The following HPCAL1 variants were observed in gnomAD, a reference collection of about 807,000 sequenced individuals.
HPCAL1 encodes hippocalcin-like protein 1.
In HPCAL1, 8 loss-of-function variants were observed where a neutral mutation model predicts 17.1. The observed-to-expected ratio is 0.47, with a 90% CI of 0.27 to 0.84. HPCAL1 has a LOEUF of 0.84. Ranked by LOEUF, HPCAL1 falls within the 40% of genes least tolerant of loss-of-function variation. The probability of loss-of-function intolerance (pLI) is 0.13; values close to 1 mark genes in which losing one functional copy is unlikely to be tolerated. For synonymous variants in HPCAL1, 112 were observed against 111.4 expected (o/e 1.01, Z -0.03); for missense variants, 165 against 271.1 (o/e 0.61, Z 2.75).
At chr2:10,402,415 C>A (rs1000733494) in intron 2 of HPCAL1, among the ~76,000 whole-genome samples, 1 of 152,104 alleles carries the variant, frequency 6.6e-6, no homozygotes, top group Non-Finnish European at 1.5e-5. Context: ...AATCTGTGGC[C>A]TCTGGTGCTG....
chr2:10,392,993 G>A (rs1668803961), intron 1 of HPCAL1, among the ~76,000 whole-genome samples: 4 of 152,212 alleles, frequency 2.6e-5, no homozygotes, highest in Admixed American at 2.6e-4. Context: ...GCAGCACAGA[G>A]CACCCTACCC....
At chr2:10,306,389 A>C (rs1662620999) in intron 1 of HPCAL1, among the ~76,000 whole-genome samples, 1 of 152,042 alleles carries the variant, frequency 6.6e-6, no homozygotes, top group Non-Finnish European at 1.5e-5. Flanking sequence ...GTAGATTTTA[A>C]TCACACTCTA....
At chr2:10,345,193 G>T (rs1665349892) in intron 1 of HPCAL1, among the ~76,000 whole-genome samples, 2 of 151,436 alleles carry the variant, frequency 1.3e-5, no homozygotes, top group South Asian at 4.2e-4. Context: ...GTGCCTGCCT[G>T]TCTGTCTGTC....
intron 4 of HPCAL1, chr2:10,424,714 G>A: frequency 4.4e-6 from 2 of 451,498 alleles, no homozygotes; most frequent in Non-Finnish European, 9.3e-6. Flanking sequence ...CCTGGAGCTT[G>A]GGGCAAGGAG....
Position 10,414,737 on chromosome 2 carries a change from G to A in HPCAL1, c.-24-4997G>A, listed in dbSNP as rs145834646. On this transcript the variant is annotated intron_variant, in intron 2 of 4. Transcript: ENST00000307845. ...CTGGCCACGTGCCAGAGAGGAGTAC[G>A]ATGCCATCCCCTTAAACCACACACG... Among the ~76,000 whole-genome samples the A allele has an allele frequency of 4.1e-4, 63 of 152,230 alleles. 1 individual carries two copies. The East Asian group carries it at 0.011, about 28-fold the overall frequency.
intron 1 of HPCAL1, among the ~76,000 whole-genome samples, chr2:10,317,516 C>A (rs569761141): frequency 2.0e-5 from 3 of 151,104 alleles, no homozygotes; most frequent in African/African-American, 7.3e-5. Flanking sequence ...CTCCTGGGTT[C>A]GAGCAATTCT....
At chr2:10,382,228 A>G (rs1378759801) in intron 1 of HPCAL1, among the ~76,000 whole-genome samples, 1 of 152,192 alleles carries the variant, frequency 6.6e-6, no homozygotes, top group Non-Finnish European at 1.5e-5. Context: ...ATATCCTAGG[A>G]AAGGCAAAGC....
chr2:10,426,982 C>A lies in HPCAL1; in HGVS notation c.*161C>A. ...GCCCGGTGGCTGCGCCTCCCTCCTC[C>A]ACCTGACCAACGCGACATTCCTCCC... On this transcript the variant is annotated 3_prime_UTR_variant, in exon 5 of 5. Coordinates refer to ENST00000307845, the MANE Select transcript of HPCAL1 (RefSeq NM_002149.4). 1.6e-6 allele frequency: 1 copy of A among 635,320 alleles called. No individual in the cohort carries two copies. Among genetic ancestry groups the A allele is most frequent in the Non-Finnish European group, 2.8e-6 (1 of 356,890 alleles). 39.4% of individuals were successfully genotyped at this position (635,320 alleles called of 1,614,324 possible).
At chr2:10,315,184 A>T (rs146746147) in intron 1 of HPCAL1, among the ~76,000 whole-genome samples, 3,516 of 152,030 alleles carry the variant, frequency 0.023, 71 homozygotes, top group Non-Finnish European at 0.037. Flanking sequence ...TCCCAGCTAC[A>T]CGGGAGGCTG....
At chr2:10,399,397 TCACCACCAC>T (rs1558518182) in intron 2 of HPCAL1, among the ~76,000 whole-genome samples, 1 of 6,368 alleles carries the variant, frequency 1.6e-4, no homozygotes, top group South Asian at 7.9e-3. Context: ...ACCACCACCA[TCACCACCAC>T]CACCACCACC....
Position 10,304,430 on chromosome 2 carries a change from G to A in HPCAL1, c.-111+1253G>A, listed in dbSNP as rs1013466667. Among the ~76,000 whole-genome samples, 5 of 28,928 alleles carry A rather than the reference G, an allele frequency of 1.7e-4. No homozygotes were observed. The highest frequency in any genetic ancestry group is 1.2e-3 in the Admixed American group (3 of 2,580). The allele number at this position is 28,928 out of a possible 152,430, so 19.0% of individuals were successfully genotyped here. A position where few individuals can be genotyped will look rare whatever the true frequency, so the allele number is the denominator to read the frequency against. On this transcript the variant is annotated intron_variant, in intron 1 of 4. Transcript: ENST00000307845. The surrounding 1 kb of genome is among the most constrained non-coding windows in gnomAD (Gnocchi z 4.1). ...CTGGCTGACCCCAATTCCACCAGAG[G>A]AGGATGTTTGCCAGGGACGCCGAGT...
In HPCAL1 at chr2:10,363,181, T is replaced by C. The variant is rs938303576; in HGVS notation, c.-110-33654T>C. Among the ~76,000 whole-genome samples, 9 of 152,316 alleles carry C rather than the reference T, an allele frequency of 5.9e-5. No individual in the cohort carries two copies. Among genetic ancestry groups the C allele is most frequent in the African/African-American group, 2.2e-4 (9 of 41,578 alleles). On this transcript the variant is annotated intron_variant, in intron 1 of 4. Transcript: ENST00000307845. The surrounding 1 kb of genome is among the most constrained non-coding windows in gnomAD (Gnocchi z 4.7). ...TAACCCATGCTGTATCTGATTTTTT[T>C]CCTGAGGTAGGCTTGAGATGGGAGG... is the stretch of plus-strand genomic sequence containing the variant.
Position 10,367,190 on chromosome 2 carries a change from C to A in HPCAL1, c.-110-29645C>A, listed in dbSNP as rs1666901895. Among the ~76,000 whole-genome samples, 1 of 151,884 alleles carries A rather than the reference C, an allele frequency of 6.6e-6. No individual in the cohort carries two copies. Among genetic ancestry groups the A allele is most frequent in the South Asian group, 2.1e-4 (1 of 4,822 alleles). The stretch of plus-strand genomic sequence containing the variant: ...TCTGCTTGGGACTTGAGGGTAACTT[C>A]ATCTCTCAAAATAGGCTGAGACTTT... On this transcript the variant is annotated intron_variant, in intron 1 of 4. Coordinates refer to ENST00000307845, the MANE Select transcript of HPCAL1 (RefSeq NM_002149.4). This position sits in a 1 kb window ranked among gnomAD's most constrained non-coding sequence, Gnocchi z 4.4.
Position 10,344,050 on chromosome 2 carries a change from T to C in HPCAL1, c.-111+40873T>C, listed in dbSNP as rs1264209958. On this transcript the variant is annotated intron_variant, in intron 1 of 4. Transcript: ENST00000307845. The surrounding 1 kb of genome is among the most constrained non-coding windows in gnomAD (Gnocchi z 4.9). ...GCTTTCTAACTGGGTTACTGAGCTGTCGAAGGAGCAGGGATGAAGACTCCC... is the reference window on the plus strand; with the variant it reads ...GCTTTCTAACTGGGTTACTGAGCTGCCGAAGGAGCAGGGATGAAGACTCCC... Among the ~76,000 whole-genome samples, 5 of 152,116 alleles carry C rather than the reference T, an allele frequency of 3.3e-5. No individual in the cohort carries two copies. The highest frequency in any genetic ancestry group is 1.2e-4 in the African/African-American group (5 of 41,426).
At chr2:10,401,878 G>A (rs1394419885) in intron 2 of HPCAL1, among the ~76,000 whole-genome samples, 2 of 152,148 alleles carry the variant, frequency 1.3e-5, no homozygotes, top group African/African-American at 4.8e-5. Context: ...CAGGCTCAGA[G>A]CAGGAACTGA....
rs1558513357 is a variant in HPCAL1, at chr2:10,394,808, A to AT, written c.-110-2020dup. On this transcript the variant is annotated intron_variant, in intron 1 of 4. Transcript: ENST00000307845. This position sits in a 1 kb window ranked among gnomAD's most constrained non-coding sequence, Gnocchi z 5.0. ...AAAATAAAATCTTTTATTTTATTTTATTTTTTTGAGACAACATTTCACTGT... is the reference window on the plus strand; with the variant it reads ...AAAATAAAATCTTTTATTTTATTTTATTTTTTTTGAGACAACATTTCACTGT... Among the ~76,000 whole-genome samples the AT allele has an allele frequency of 1.3e-5, 2 of 152,040 alleles. No homozygotes were observed. Among genetic ancestry groups the AT allele is most frequent in the African/African-American group, 2.4e-5 (1 of 41,468 alleles).
chr2:10,357,557 C>A (rs976652123), intron 1 of HPCAL1, among the ~76,000 whole-genome samples: 6 of 152,134 alleles, frequency 3.9e-5, no homozygotes, highest in African/African-American at 1.4e-4. Context: ...GCGTTTCCTC[C>A]GCGGAGTGTG....
intron 1 of HPCAL1, among the ~76,000 whole-genome samples, chr2:10,345,818 G>A (rs1233615888): frequency 6.6e-6 from 1 of 152,174 alleles, no homozygotes; most frequent in East Asian, 1.9e-4. Flanking sequence ...ATACATGCAT[G>A]TTCACTGTAA....
rs1665170215 is a variant in HPCAL1 at position 10,342,662 on chromosome 2, C to G, written c.-111+39485C>G. Among the ~76,000 whole-genome samples, 1 of 152,220 alleles carries G rather than the reference C, an allele frequency of 6.6e-6. No homozygotes were observed. The highest frequency in any genetic ancestry group is 1.5e-5 in the Non-Finnish European group (1 of 68,040). On this transcript the variant is annotated intron_variant, in intron 1 of 4. Transcript: ENST00000307845. This position sits in a 1 kb window ranked among gnomAD's most constrained non-coding sequence, Gnocchi z 4.1. ...GCTGGAGGAACCCCGTGTGTTTGCA[C>G]TGTGCTCTGAGCTCCCTCTCATGAC...
Sources: gnomAD v4.1 joint callset for allele counts (sites outside exome capture counted in the v4.1 genomes callset) on GRCh38, gnomAD v4.1.1 for gene constraint, Gnocchi (gnomAD v3.1) non-coding constraint, MANE v1.5 for transcripts, NCBI Gene and HGNC (gene_info 2026-07-23, HGNC 2026-07-21) for gene names.